Variants in COL16A1 observed in about 807,000 individuals in gnomAD.
The protein encoded by COL16A1 is collagen alpha-1(XVI) chain.
Under a neutral mutation model 266.3 loss-of-function variants are expected in COL16A1, and 189 were observed. The ratio of observed to expected loss-of-function variants is 0.71; its 90% CI spans 0.63 to 0.80. The LOEUF (loss-of-function observed/expected upper bound fraction) is 0.80. COL16A1 is among the 30% of genes least tolerant of loss of function. The probability of loss-of-function intolerance (pLI) is 0.00; values close to 1 mark genes in which losing one functional copy is unlikely to be tolerated. For missense variants in COL16A1, 1,928 were observed against 2,122.4 expected, an observed-to-expected ratio of 0.91 and a Z score of 1.80; for synonymous variants, 740 against 782.3, an observed-to-expected ratio of 0.95 and a Z score of 0.90.
At chr1:31,695,679 A>G in intron 10 of COL16A1, 82 bp downstream of exon 10, 2 of 1,346,964 alleles carry the variant, frequency 1.5e-6, no homozygotes, top group Non-Finnish European at 2.1e-6. Flanking sequence ...CAGCACCCCT[A>G]TGCTGAGGAT....
At chr1:31,678,940 G>T (rs1643400126) in intron 42 of COL16A1, among the ~76,000 whole-genome samples, 1 of 152,124 alleles carries the variant, frequency 6.6e-6, no homozygotes, top group African/African-American at 2.4e-5. Context: ...TGGCTTCCTT[G>T]CAATTCCCCA....
In COL16A1 at chr1:31,655,543, G is replaced by T. The variant is rs188184778; in HGVS notation, c.4102-41C>A. 1.1e-5 allele frequency: 18 copies of T among 1,608,602 alleles called. No homozygotes were observed. In the East Asian group the frequency reaches 3.1e-4, roughly 28 times the overall value. On this transcript the variant is annotated intron_variant, in intron 66 of 70. Coordinates refer to ENST00000373672, the MANE Select transcript of COL16A1 (RefSeq NM_001856.4). ...CTTAGTGCTGTCAAATTTACATCAT[G>T]ATGTCTCACCAATCTGCTCTTTTCT...
At chr1:31,660,379 C>T (rs1180179287) in intron 62 of COL16A1, among the ~76,000 whole-genome samples, 2 of 152,220 alleles carry the variant, frequency 1.3e-5, no homozygotes, top group Non-Finnish European at 2.9e-5. Context: ...TGAATGACCT[C>T]CATCTGATAA....
At chr1:31,693,205 C>G (rs772207085) in intron 12 of COL16A1, 51 bp from the exon 13 acceptor site, 2 of 1,251,574 alleles carry the variant, frequency 1.6e-6, no homozygotes, top group Non-Finnish European at 2.3e-6. Flanking sequence ...CACATGGGAG[C>G]CTTGAGAAAG....
At chr1:31,665,539 G>A (rs1366661177) in intron 55 of COL16A1, 44 bp downstream of exon 55, 2 of 1,614,052 alleles carry the variant, frequency 1.2e-6, no homozygotes, top group Middle Eastern at 1.6e-4. Flanking sequence ...CCCTCCCGAT[G>A]AGACCACATC....
intron 55 of COL16A1, 154 bp downstream of exon 55, chr1:31,665,429 G>A: frequency 6.8e-7 from 1 of 1,463,036 alleles, no homozygotes; most frequent in Non-Finnish European, 9.3e-7. Flanking sequence ...TCCAGGTCCT[G>A]GTTCCTGGAA....
chr1:31,676,782 C>T lies in COL16A1; in HGVS notation c.2773-1471G>A, dbSNP rs368950583. On this transcript the variant is annotated intron_variant, in intron 42 of 70. Transcript: ENST00000373672. ...ATGTTCCATTTTGAATCCCCAGCAC[C>T]CAACATGGAGGAGATGTGCAGTAAG... Among the ~76,000 whole-genome samples the T allele has an allele frequency of 2.5e-3, 384 of 152,344 alleles. 2 individuals are homozygous for T. Among genetic ancestry groups the T allele is most frequent in the African/African-American group, 8.7e-3 (360 of 41,580 alleles).
In COL16A1 at chr1:31,668,304, CT is replaced by C; in HGVS notation, c.3250-87del. ...GTAAGAGGATGGCCAAAGCTAAAAC[CT>C]CTGGGGCTGCCATCTAGCAGGTGCC... On this transcript the variant is annotated intron_variant, in intron 50 of 70. Transcript: ENST00000373672. The surrounding 1 kb of genome is among the most constrained non-coding windows in gnomAD (Gnocchi z 5.8). The C allele has an allele frequency of 7.0e-7, 1 of 1,428,436 alleles. No individual in the cohort carries two copies. The highest frequency in any genetic ancestry group is 1.8e-5 in the Admixed American group (1 of 56,654). The allele number at this position is 1,428,436 out of a possible 1,614,324, so 88.5% of individuals were successfully genotyped here. A position where few individuals can be genotyped will look rare whatever the true frequency, so the allele number is the denominator to read the frequency against.
chr1:31,694,204 G>A (rs372122900), intron 11 of COL16A1, 34 bp from the exon 12 acceptor site: 31 of 1,559,554 alleles, frequency 2.0e-5, no homozygotes, highest in South Asian at 9.7e-5. Context: ...TCACACTTCC[G>A]GTAGAGAGAG....
intron 44 of COL16A1, among the ~76,000 whole-genome samples, chr1:31,674,232 A>AG (rs937719980): frequency 2.0e-5 from 3 of 152,054 alleles, no homozygotes; most frequent in Non-Finnish European, 2.9e-5. Flanking sequence ...GGCCAGGATG[A>AG]GGGGGGGCTC....
Position 31,692,045 on chromosome 1 carries a change from T to A in COL16A1, c.1217A>T (p.Asp406Val). The A allele has an allele frequency of 6.2e-7, 1 of 1,613,832 alleles. No individual in the cohort carries two copies. The highest frequency in any genetic ancestry group is 8.5e-7 in the Non-Finnish European group (1 of 1,179,998). The change falls in exon 17 of 71, where the codon GAC becomes GTC. Residue 406 changes from aspartate (D) to valine (V), a missense_variant. By Grantham distance (152) the Asp-to-Val change is radical. This residue lies in a region of COL16A1 where 1,552 missense variants were observed against 1,637.2 expected (regional missense o/e 0.95). Transcript: ENST00000373672. Reference protein sequence around the residue: ...GEKGQKGEKGDGGIKGVPGKP... With the variant: ...GEKGQKGEKGVGGIKGVPGKP... ...TCCCGGCACGCCCTTGATGCCTCCG[T>A]CGCCCTTCTCGCCTTTCTGGCCCTG...
intron 8 of COL16A1, 134 bp from the exon 9 acceptor site, chr1:31,696,275 C>T: frequency 1.4e-6 from 1 of 723,968 alleles, no homozygotes. Context: ...CCTGGGGCAT[C>T]AAGGGCCTGC....
In COL16A1 at chr1:31,692,848, G is replaced by A. The variant is rs981533129; in HGVS notation, c.1072-40C>T. On this transcript the variant is annotated intron_variant, in intron 13 of 70. Transcript: ENST00000373672. ...CAAGGGATCAGGGGTGGGAACTCCT[G>A]GGGAAGTCCCCTAGATGTGTTGTGA... 1.1e-5 allele frequency: 17 copies of A among 1,584,972 alleles called. No individual in the cohort carries two copies. In the Admixed American group the frequency reaches 2.0e-4, roughly 19 times the overall value.
At chr1:31,684,734 T>TG (rs1643887842) in intron 30 of COL16A1, 87 bp downstream of exon 30, 1 of 1,609,866 alleles carries the variant, frequency 6.2e-7, no homozygotes, top group Non-Finnish European at 8.5e-7. Flanking sequence ...GGCTGAGGGT[T>TG]GGGGGCTAGG....
chr1:31,674,457 T>C (rs2148722977), intron 44 of COL16A1, among the ~76,000 whole-genome samples: 1 of 152,356 alleles, frequency 6.6e-6, no homozygotes, highest in African/African-American at 2.4e-5. Context: ...CACAGCCCTC[T>C]GGTAGAGCAT....
intron 15 of COL16A1, 23 bp from the exon 16 acceptor site, chr1:31,692,532 A>C: frequency 6.2e-7 from 1 of 1,614,030 alleles, no homozygotes; most frequent in Non-Finnish European, 8.5e-7. Flanking sequence ...AGGGAGACAG[A>C]GGAAGGGAGG....
In COL16A1 at chr1:31,700,062, T is replaced by G. The variant is rs779993507; in HGVS notation, c.127A>C (p.Ser43Arg). The change falls in exon 3 of 71, where the codon AGC becomes CGC. Residue 43 changes from serine (S) to arginine (R), a missense_variant. By Grantham distance (110) the Ser-to-Arg change is moderately radical. Transcript: ENST00000373672. ...TCACCAGTCACGTTGGCTGGCAGGCTACTACTGTGTTCCAATTTGAGTCCT... is the reference window on the plus strand; with the variant it reads ...TCACCAGTCACGTTGGCTGGCAGGCGACTACTGTGTTCCAATTTGAGTCCT... ...QEGLKLEHSS[S>R]LPANVTGFNL... is the part of the protein sequence containing the mutation. The G allele has an allele frequency of 1.9e-6, 3 of 1,614,016 alleles. No individual in the cohort carries two copies. The African/African-American group carries it at 4.0e-5, about 22-fold the overall frequency.
At chr1:31,674,882 GA>G in intron 44 of COL16A1, 124 bp downstream of exon 44, 2 of 1,444,146 alleles carry the variant, frequency 1.4e-6, no homozygotes, top group Non-Finnish European at 1.9e-6. Context: ...CAGATGCTTG[GA>G]ATGCGTATTC....
At position 31,688,830 on chromosome 1, in the gene COL16A1, T is replaced by TG; in HGVS notation, c.1767+30dup. 1 of 1,593,430 alleles carries TG rather than the reference T, an allele frequency of 6.3e-7. No homozygotes were observed. The highest frequency in any genetic ancestry group is 8.6e-7 in the Non-Finnish European group (1 of 1,166,860). ...AACAGTATGGCAAGGATGGCTGAAC[T>TG]GGGCTGGGCTGGGAGAAAGTCGTCA... On this transcript the variant is annotated intron_variant, in intron 25 of 70. Coordinates refer to ENST00000373672, the MANE Select transcript of COL16A1 (RefSeq NM_001856.4). This position sits in a 1 kb window ranked among gnomAD's most constrained non-coding sequence, Gnocchi z 4.9.
Sources: gnomAD v4.1 joint callset for allele counts (sites outside exome capture counted in the v4.1 genomes callset) on GRCh38, gnomAD v4.1.1 for gene constraint, gnomAD v4.1.1 regional missense constraint, Gnocchi (gnomAD v3.1) non-coding constraint, MANE v1.5 for transcripts, NCBI Gene and HGNC (gene_info 2026-07-23, HGNC 2026-07-21) for gene names.